Variants in PRKN observed in about 807,000 individuals in gnomAD.
The protein encoded by PRKN is E3 ubiquitin-protein ligase parkin.
In PRKN, 56 loss-of-function variants were observed where a neutral mutation model predicts 59.5. That is an observed-to-expected ratio of 0.94 (90% confidence interval 0.76 to 1.18). PRKN has a LOEUF of 1.18. PRKN is among the 50% of genes most tolerant of loss of function. The pLI, the probability that PRKN is intolerant of heterozygous loss-of-function variation, is 0.00. For synonymous variants in PRKN, 250 were observed against 222.1 expected (o/e 1.13, Z -1.12); for missense variants, 657 against 596.4 (o/e 1.10, Z -1.06).
rs1029652502 is a variant in PRKN, at chr6:161,547,921, C to T, written c.1083+933G>A. Among the ~76,000 whole-genome samples, 2 of 152,178 alleles carry T rather than the reference C, an allele frequency of 1.3e-5. No homozygotes were observed. The highest frequency in any genetic ancestry group is 4.8e-5 in the African/African-American group (2 of 41,442). On this transcript the variant is annotated intron_variant, in intron 9 of 11. Coordinates refer to ENST00000366898, the MANE Select transcript of PRKN (RefSeq NM_004562.3). This position sits in a 1 kb window ranked among gnomAD's most constrained non-coding sequence, Gnocchi z 4.0. ...TCAACCCAGGATTTTATGAGCCCCA[C>T]TGCATGACATACAGGAAGCTTTACT...
At chr6:161,443,710 C>T (rs534304309) in intron 9 of PRKN, among the ~76,000 whole-genome samples, 53 of 152,166 alleles carry the variant, frequency 3.5e-4, no homozygotes, top group African/African-American at 1.3e-3. Flanking sequence ...GAAAGAAATC[C>T]TCCGCAGTCA....
At chr6:161,846,979 T>C (rs1227358346) in intron 6 of PRKN, among the ~76,000 whole-genome samples, 1 of 152,134 alleles carries the variant, frequency 6.6e-6, no homozygotes, top group African/African-American at 2.4e-5. Flanking sequence ...GATTCCATTA[T>C]TAATCTCATC....
At chr6:162,497,406 A>G (rs923062868) in intron 1 of PRKN, among the ~76,000 whole-genome samples, 10 of 152,228 alleles carry the variant, frequency 6.6e-5, no homozygotes, top group Admixed American at 5.2e-4. Context: ...GTCTAGAAAA[A>G]CATAATTCTC....
intron 7 of PRKN, among the ~76,000 whole-genome samples, chr6:161,743,255 T>C (rs1788269323): frequency 7.5e-6 from 1 of 132,724 alleles, no homozygotes; most frequent in Non-Finnish European, 1.6e-5. Context: ...GGAGTCTCTC[T>C]GTCGCCCAGG....
At chr6:162,280,323 C>T (rs1445969136) in intron 2 of PRKN, among the ~76,000 whole-genome samples, 1 of 152,070 alleles carries the variant, frequency 6.6e-6, no homozygotes, top group South Asian at 2.1e-4. Flanking sequence ...TAACAAAGTT[C>T]TTTGAAACCA....
At chr6:161,387,306 T>C (rs1341602089) in intron 9 of PRKN, among the ~76,000 whole-genome samples, 2 of 152,218 alleles carry the variant, frequency 1.3e-5, no homozygotes, top group Admixed American at 1.3e-4. Context: ...TCTCACGAGA[T>C]CTGACGGTTT....
intron 2 of PRKN, among the ~76,000 whole-genome samples, chr6:162,311,062 C>T (rs1208965158): frequency 1.1e-4 from 16 of 152,060 alleles, no homozygotes; most frequent in Admixed American, 1.0e-3. Flanking sequence ...ATCATAAAGG[C>T]TATCTTTTTC....
At position 162,274,160 on chromosome 6, in the gene PRKN, A is replaced by AATTAATTT. The variant is rs1204129026; in HGVS notation, c.172-11403_172-11396dup. On this transcript the variant is annotated intron_variant, in intron 2 of 11. Coordinates refer to ENST00000366898, the MANE Select transcript of PRKN (RefSeq NM_004562.3). Reference sequence around the variant, plus strand: ...TATTATATCTTCTTGTAATTTAATTAATTAATTTATTAATTTATTAATGTA... The same window carrying AATTAATTT: ...TATTATATCTTCTTGTAATTTAATTAATTAATTTATTAATTTATTAATTTATTAATGTA... Among the ~76,000 whole-genome samples the AATTAATTT allele has an allele frequency of 1.4e-4, 21 of 151,776 alleles. 1 individual carries two copies. The South Asian group carries it at 4.4e-3, about 32-fold the overall frequency.
At chr6:162,149,618 G>A (rs1782176867) in intron 4 of PRKN, among the ~76,000 whole-genome samples, 1 of 152,118 alleles carries the variant, frequency 6.6e-6, no homozygotes, top group Non-Finnish European at 1.5e-5. Flanking sequence ...ACTGTTAAGA[G>A]CAAAATGAAG....
intron 6 of PRKN, among the ~76,000 whole-genome samples, chr6:161,920,602 T>C (rs986408231): frequency 1.6e-4 from 24 of 151,744 alleles, no homozygotes; most frequent in Admixed American, 1.3e-3. Flanking sequence ...CTGGCCAACA[T>C]GGTGAAACCC....
chr6:161,476,113 G>C (rs914053446), intron 9 of PRKN, among the ~76,000 whole-genome samples: 1 of 151,710 alleles, frequency 6.6e-6, no homozygotes, highest in African/African-American at 2.4e-5. Flanking sequence ...TGTGGACCCG[G>C]GAGGCGGAGC....
intron 7 of PRKN, among the ~76,000 whole-genome samples, chr6:161,589,878 C>T (rs1342858862): frequency 1.3e-5 from 2 of 148,474 alleles, no homozygotes; most frequent in Non-Finnish European, 1.5e-5. Context: ...CTCCTTGGTT[C>T]AAATGATTTT....
At chr6:161,368,279 G>GTATATATTTA (rs199662784) in intron 10 of PRKN, among the ~76,000 whole-genome samples, 810 of 70,714 alleles carry the variant, frequency 0.011, 9 homozygotes, top group African/African-American at 0.06. Flanking sequence ...TTATATATAT[G>GTATATATTTA]TATATATTTA....
At chr6:162,371,098 T>G (rs940367328) in intron 2 of PRKN, among the ~76,000 whole-genome samples, 1 of 152,172 alleles carries the variant, frequency 6.6e-6, no homozygotes, top group Non-Finnish European at 1.5e-5. Context: ...CGATTCATGC[T>G]TAGGGCAAGA....
intron 3 of PRKN, among the ~76,000 whole-genome samples, chr6:162,226,044 G>A (rs1464942968): frequency 1.4e-5 from 2 of 146,636 alleles, no homozygotes; most frequent in African/African-American, 5.0e-5. Flanking sequence ...ATACAGGTAG[G>A]GAGAAGGCAT....
At chr6:161,777,703 ATAAG>A (rs944254145) in intron 7 of PRKN, among the ~76,000 whole-genome samples, 1 of 143,628 alleles carries the variant, frequency 7.0e-6, no homozygotes, top group Non-Finnish European at 1.5e-5. Context: ...TACACAATAT[ATAAG>A]AGATATTTTA....
At chr6:162,292,898 G>T (rs1290088828) in intron 2 of PRKN, among the ~76,000 whole-genome samples, 1 of 152,152 alleles carries the variant, frequency 6.6e-6, no homozygotes, top group Non-Finnish European at 1.5e-5. Flanking sequence ...CTGGGTAGCA[G>T]CAATACTGTA....
intron 7 of PRKN, among the ~76,000 whole-genome samples, chr6:161,594,716 T>G (rs1305318796): frequency 1.7e-5 from 2 of 120,714 alleles, no homozygotes; most frequent in African/African-American, 7.5e-5. Flanking sequence ...TTATGAAATT[T>G]CAAGTTGACT....
chr6:162,347,902 T>C (rs1583420445), intron 2 of PRKN, among the ~76,000 whole-genome samples: 1 of 152,152 alleles, frequency 6.6e-6, no homozygotes, highest in African/African-American at 2.4e-5. Flanking sequence ...TTAACATTAC[T>C]CCAACTTACT....
Sources: gnomAD v4.1 joint callset for allele counts (sites outside exome capture counted in the v4.1 genomes callset) on GRCh38, gnomAD v4.1.1 for gene constraint, Gnocchi (gnomAD v3.1) non-coding constraint, MANE v1.5 for transcripts, NCBI Gene and HGNC (gene_info 2026-07-23, HGNC 2026-07-21) for gene names.